The following CHN2 variants were observed in gnomAD, a reference collection of about 807,000 sequenced individuals.
The protein encoded by CHN2 is chimerin 2.
In CHN2, 35 loss-of-function variants were observed where a neutral mutation model predicts 56.3. The ratio of observed to expected loss-of-function variants is 0.62; its 90% CI spans 0.47 to 0.82. CHN2 has a LOEUF of 0.82. Among genes scored for constraint, CHN2 ranks in the 40% least tolerant of loss-of-function variants. The pLI is 0.00. For missense variants in CHN2, 491 were observed against 580.5 expected (o/e 0.85, Z 1.58); for synonymous variants, 210 against 212.8 (o/e 0.99, Z 0.12).
intron 2 of CHN2, among the ~76,000 whole-genome samples, chr7:29,177,227 TTTTTGTTTTATTTTG>T (rs1323944377): frequency 8.6e-5 from 11 of 128,172 alleles, no homozygotes; most frequent in Admixed American, 6.8e-4. Flanking sequence ...TTTCTTTCTT[TTTTTGTTTTATTTTG>T]TTTTGTTTTG....
chr7:29,252,583 T>TTTTTTTTGTTTTGTTTTG (rs1562866445), intron 1 of CHN2, among the ~76,000 whole-genome samples: 3 of 19,226 alleles, frequency 1.6e-4, no homozygotes, highest in South Asian at 1.7e-3. Flanking sequence ...TCTTTGTTTT[T>TTTTTTTTGTTTTGTTTTG]TTTTTTTTTT....
At chr7:29,302,108 G>A (rs1793719136) in intron 1 of CHN2, among the ~76,000 whole-genome samples, 1 of 152,196 alleles carries the variant, frequency 6.6e-6, no homozygotes, top group Non-Finnish European at 1.5e-5. Flanking sequence ...GCATTGACCC[G>A]TGGCTGTCTC....
At chr7:29,462,975 G>C (rs1168481648) in intron 6 of CHN2, among the ~76,000 whole-genome samples, 1 of 133,378 alleles carries the variant, frequency 7.5e-6, no homozygotes, top group Non-Finnish European at 1.5e-5. Context: ...CCAAGGAAGA[G>C]ACCTACCTCC....
At chr7:29,381,148 G>C (rs539921753) in intron 3 of CHN2, among the ~76,000 whole-genome samples, 8 of 152,144 alleles carry the variant, frequency 5.3e-5, no homozygotes, top group Middle Eastern at 3.2e-3. Flanking sequence ...TAAAATCCCT[G>C]TTTGGTCGAT....
At chr7:29,193,230 A>G (rs1332110430), upstream of CHN2, 1 of 152,134 alleles carries the variant, frequency 6.6e-6, no homozygotes, top group African/African-American at 2.4e-5. Context: ...CTTAATGAGA[A>G]GACACACTGG....
intron 1 of CHN2, chr7:29,293,056 C>T: frequency 4.4e-6 from 2 of 455,488 alleles, no homozygotes; most frequent in Admixed American, 4.7e-5. Context: ...ATGCCCCACT[C>T]CCCGCTTCCA....
intron 6 of CHN2, among the ~76,000 whole-genome samples, chr7:29,444,412 C>A (rs1783888712): frequency 1.3e-5 from 2 of 152,150 alleles, no homozygotes; most frequent in Admixed American, 6.5e-5. Flanking sequence ...TTGTCTGGGG[C>A]ATTTCATCTG....
At chr7:29,159,438 G>C (rs1794882503) in intron 2 of CHN2, among the ~76,000 whole-genome samples, 1 of 152,166 alleles carries the variant, frequency 6.6e-6, no homozygotes, top group Non-Finnish European at 1.5e-5. Flanking sequence ...AAAACTATCT[G>C]CCTTGAAAGT....
intron 1 of CHN2, among the ~76,000 whole-genome samples, chr7:29,227,444 T>C (rs879707268): frequency 3.3e-4 from 50 of 152,198 alleles, no homozygotes; most frequent in Middle Eastern, 3.2e-3. Flanking sequence ...TAAAAGCCCC[T>C]AATTTTCTTA....
chr7:29,406,340 G>A (rs1802648785), intron 6 of CHN2, among the ~76,000 whole-genome samples: 1 of 152,146 alleles, frequency 6.6e-6, no homozygotes, highest in Non-Finnish European at 1.5e-5. Flanking sequence ...GAGCCGGGTA[G>A]AACTGCTTCT....
At chr7:29,412,571 C>T (rs528809690) in intron 6 of CHN2, among the ~76,000 whole-genome samples, 122 of 152,166 alleles carry the variant, frequency 8.0e-4, no homozygotes, top group Non-Finnish European at 1.4e-3. Context: ...CCTCGTGATC[C>T]GCCCACCTTG....
At chr7:29,477,974 G>C (rs1007619324) in intron 6 of CHN2, among the ~76,000 whole-genome samples, 1 of 152,202 alleles carries the variant, frequency 6.6e-6, no homozygotes, top group Admixed American at 6.5e-5. Context: ...ATTAAGCATA[G>C]AGCATGTCAC....
chr7:29,271,923 C>T (rs1267108822), intron 1 of CHN2, among the ~76,000 whole-genome samples: 1 of 152,096 alleles, frequency 6.6e-6, no homozygotes, highest in Non-Finnish European at 1.5e-5. Context: ...GTAGCTGGGG[C>T]TCACTGGTTC....
chr7:29,164,795 A>AC (rs1795691231), intron 2 of CHN2, among the ~76,000 whole-genome samples: 1 of 151,626 alleles, frequency 6.6e-6, no homozygotes. Flanking sequence ...AAAAAAAAAA[A>AC]AAAAAACAAA....
chr7:29,305,061 A>C (rs994511220), intron 1 of CHN2, among the ~76,000 whole-genome samples: 2 of 152,084 alleles, frequency 1.3e-5, no homozygotes, highest in Non-Finnish European at 1.5e-5. Flanking sequence ...CTTGGAGGGG[A>C]AAGGGACACT....
chr7:29,158,733 T>G (rs1794772013), intron 2 of CHN2, among the ~76,000 whole-genome samples: 1 of 152,226 alleles, frequency 6.6e-6, no homozygotes, highest in Non-Finnish European at 1.5e-5. Flanking sequence ...GAGATTTTGC[T>G]TGTTCTTTTT....
At chr7:29,447,868 G>A (rs537010496) in intron 6 of CHN2, among the ~76,000 whole-genome samples, 1 of 152,262 alleles carries the variant, frequency 6.6e-6, no homozygotes, top group African/African-American at 2.4e-5. Flanking sequence ...TTAACAAACA[G>A]TAACAACCCT....
intron 6 of CHN2, among the ~76,000 whole-genome samples, chr7:29,405,717 A>G (rs1802596624): frequency 1.3e-5 from 2 of 152,210 alleles, no homozygotes; most frequent in East Asian, 1.9e-4. Context: ...CTGTTTCATC[A>G]GAGAACAACC....
intron 1 of CHN2, among the ~76,000 whole-genome samples, chr7:29,283,314 A>G (rs1791872113): frequency 6.6e-6 from 1 of 152,220 alleles, no homozygotes; most frequent in Admixed American, 6.5e-5. Flanking sequence ...AGCTCACCCA[A>G]GGCCAGAAGC....
Sources: gnomAD v4.1 joint callset for allele counts (sites outside exome capture counted in the v4.1 genomes callset) on GRCh38, gnomAD v4.1.1 for gene constraint, MANE v1.5 for transcripts, NCBI Gene and HGNC (gene_info 2026-07-23, HGNC 2026-07-21) for gene names.